Variants in PITRM1 observed in about 807,000 individuals in gnomAD.
PITRM1 encodes the protein pitrilysin metallopeptidase 1.
In PITRM1, 100 loss-of-function variants were observed where a neutral mutation model predicts 129.9. That is an observed-to-expected ratio of 0.77 (90% CI 0.65 to 0.91). PITRM1 has a LOEUF of 0.91. PITRM1 is among the 40% of genes least tolerant of loss of function. PITRM1 has a pLI of 0.00. For missense variants in PITRM1, 1,471 were observed against 1,318.3 expected (o/e 1.12, Z -1.79); for synonymous variants, 591 against 508.8 (o/e 1.16, Z -2.17).
chr10:3,165,586 A>T lies in PITRM1; in HGVS notation c.419-59T>A. ...TAACAGATTTCTACTAAAATTATTG[A>T]CTCTCAAGACTCATTCCCCCTTTGT... On this transcript the variant is annotated intron_variant, in intron 4 of 26. Coordinates refer to ENST00000224949, the MANE Select transcript of PITRM1 (RefSeq NM_014889.4). 3 of 980,790 alleles carry T rather than the reference A, an allele frequency of 3.1e-6. No individual in the cohort carries two copies. In the Admixed American group the frequency reaches 6.0e-5, roughly 20 times the overall value. The allele number at this position is 980,790 out of a possible 1,614,324, so 60.8% of individuals were successfully genotyped here. A position where few individuals can be genotyped will look rare whatever the true frequency, so the allele number is the denominator to read the frequency against.
chr10:3,156,792 C>A, intron 13 of PITRM1, 138 bp downstream of exon 13: 3 of 564,242 alleles, frequency 5.3e-6, no homozygotes, highest in South Asian at 3.3e-5. Context: ...TTAATGTAAG[C>A]ATTTAAATTT....
intron 21 of PITRM1, 124 bp downstream of exon 21, chr10:3,145,472 G>C (rs905459082): frequency 5.2e-6 from 4 of 765,212 alleles, no homozygotes; most frequent in Middle Eastern, 3.8e-4. Flanking sequence ...CTTCATCTGC[G>C]TACGGGGGAT....
chr10:3,158,780 C>G, intron 10 of PITRM1, 134 bp downstream of exon 10: 1 of 807,646 alleles, frequency 1.2e-6, no homozygotes, highest in East Asian at 2.6e-5. Context: ...CGCCATCTTC[C>G]GATTATAGCA....
At chr10:3,160,101 G>A (rs1190250064) in intron 8 of PITRM1, 103 bp downstream of exon 8, 1 of 1,353,558 alleles carries the variant, frequency 7.4e-7, no homozygotes, top group Non-Finnish European at 1.0e-6. Context: ...CCCATACTCT[G>A]TACCAAACAT....
intron 16 of PITRM1, 41 bp downstream of exon 16, chr10:3,149,580 A>C: frequency 6.6e-7 from 1 of 1,508,566 alleles, no homozygotes; most frequent in Non-Finnish European, 8.8e-7. Flanking sequence ...CACACAAAGC[A>C]GACATTAATA....
At chr10:3,166,872 A>G in intron 3 of PITRM1, 64 bp downstream of exon 3, 1 of 998,912 alleles carries the variant, frequency 1.0e-6, no homozygotes, top group South Asian at 1.5e-5. Context: ...GGAAGCCAAA[A>G]GAATGGACAT....
At chr10:3,155,860 T>C (rs1841933361) in intron 13 of PITRM1, 131 bp from the exon 14 acceptor site, 5 of 1,008,310 alleles carry the variant, frequency 5.0e-6, no homozygotes, top group Non-Finnish European at 7.1e-6. Context: ...ATAGTAATAA[T>C]AGAACGCACC....
chr10:3,161,012 C>G (rs1842401326), intron 7 of PITRM1, among the ~76,000 whole-genome samples: 1 of 152,138 alleles, frequency 6.6e-6, no homozygotes, highest in Non-Finnish European at 1.5e-5. Context: ...CCACCCGTCT[C>G]AGCCTCCCAA....
Position 3,145,438 on chromosome 10 carries a change from C to T in PITRM1, c.2457+158G>A, listed in dbSNP as rs571448210. 1.5e-5 allele frequency: 10 copies of T among 654,664 alleles called. No homozygotes were observed. The South Asian group carries it at 1.9e-4, about 13-fold the overall frequency. 40.6% of individuals were successfully genotyped at this position (654,664 alleles called of 1,614,324 possible). On this transcript the variant is annotated intron_variant, in intron 21 of 26. Transcript: ENST00000224949. ...AACTGGCCCAACACTGCACAAGATA[C>T]TTAATCCTCCTGAACCTCAGTTTCT... is the stretch of plus-strand genomic sequence containing the variant.
Position 3,147,642 on chromosome 10 carries a change from G to C in PITRM1, c.2165C>G (p.Ala722Gly). The C allele has an allele frequency of 6.2e-7, 1 of 1,613,962 alleles. No homozygotes were observed. Among genetic ancestry groups the C allele is most frequent in the Non-Finnish European group, 8.5e-7 (1 of 1,179,852 alleles). The change falls in exon 19 of 27, where the codon GCA (alanine) becomes GGA (glycine). Residue 722 changes from alanine to glycine, a missense_variant. Transcript: ENST00000224949. Reference protein sequence around the residue: ...NGIPDSGHLYASIRAGRTLTP... With the variant: ...NGIPDSGHLYGSIRAGRTLTP... ...GAGGGTCCGGCCTGCCCTGATGGAT[G>C]CGTACAGGTGCCCAGAGTCAGGAAT... is the stretch of plus-strand genomic sequence containing the variant.
chr10:3,155,528 T>C, intron 14 of PITRM1, 63 bp downstream of exon 14: 1 of 1,595,898 alleles, frequency 6.3e-7, no homozygotes, highest in Non-Finnish European at 8.6e-7. Flanking sequence ...ACTAACTCAC[T>C]AACAAGTCCA....
At position 3,172,727 on chromosome 10, in the gene PITRM1, G is replaced by A. The variant is rs1426324125; in HGVS notation, c.46C>T (p.Leu16=). The A allele has an allele frequency of 6.5e-7, 1 of 1,542,428 alleles. No individual in the cohort carries two copies. Among genetic ancestry groups the A allele is most frequent in the Non-Finnish European group, 8.7e-7 (1 of 1,144,118 alleles). The change falls in exon 1 of 27, where the codon CTG becomes TTG. Residue 16 remains leucine (L), a synonymous_variant. Coordinates refer to ENST00000224949, the MANE Select transcript of PITRM1 (RefSeq NM_014889.4). ...GRQGLCVLRR[L]SGGHAHHRAW... is the part of the protein sequence containing the mutation. ...GTCGCAGCGTCTCACCCGCCGCTCA[G>A]CCGCCTCAGCACACACAGGCCCTGC...
chr10:3,140,701 G>A lies in PITRM1; in HGVS notation c.2757C>T (p.Thr919=), dbSNP rs1840099259. ...GCAAAACTCACCTGTAAGAGTAAAGGGTGAAAATCCCATTGTGGCTGAGTT... is the reference window on the plus strand; with the variant it reads ...GCAAAACTCACCTGTAAGAGTAAAGAGTGAAAATCCCATTGTGGCTGAGTT... ...GAKLSHNGIF[T]LYSYRDPNTI... The change falls in exon 24 of 27, where the codon ACC becomes ACT. Residue 919 remains threonine (T), a synonymous_variant. Transcript: ENST00000224949. 6 of 1,600,102 alleles carry A rather than the reference G, an allele frequency of 3.7e-6. No homozygotes were observed. The highest frequency in any genetic ancestry group is 4.3e-6 in the Non-Finnish European group (5 of 1,172,928).
At chr10:3,151,439 T>G in intron 14 of PITRM1, 76 bp from the exon 15 acceptor site, 2 of 882,058 alleles carry the variant, frequency 2.3e-6, no homozygotes, top group Non-Finnish European at 3.7e-6. Context: ...CCTATGTTAT[T>G]ATCTTAACAT....
intron 7 of PITRM1, among the ~76,000 whole-genome samples, chr10:3,162,157 TTAAAA>T (rs1467933160): frequency 1.8e-4 from 24 of 131,904 alleles, no homozygotes; most frequent in Non-Finnish European, 1.6e-4. Context: ...GACCCTGTCT[TTAAAA>T]AAAAAAAAAA....
In PITRM1 at chr10:3,151,369, A is replaced by G. The variant is rs768555068; in HGVS notation, c.1622-6T>C. On this transcript the variant is annotated splice_polypyrimidine_tract_variant and splice_region_variant and intron_variant, in intron 14 of 26. Transcript: ENST00000224949. Reference sequence around the variant, plus strand: ...TTGACTCCGTAATTCTAGACCTAAAAAAGAAACAAGAAAAAGGAATATTCA... The same window carrying G: ...TTGACTCCGTAATTCTAGACCTAAAGAAGAAACAAGAAAAAGGAATATTCA... 4.5e-6 allele frequency: 5 copies of G among 1,116,764 alleles called. No homozygotes were observed. The African/African-American group carries it at 6.6e-5, about 15-fold the overall frequency. 69.2% of individuals were successfully genotyped at this position (1,116,764 alleles called of 1,614,324 possible). A position where few individuals can be genotyped will look rare whatever the true frequency, so the allele number is the denominator to read the frequency against.
chr10:3,167,680 A>G (rs4074081), intron 2 of PITRM1, among the ~76,000 whole-genome samples: 105,747 of 152,002 alleles, frequency 0.7, 36,856 homozygotes, highest in East Asian at 0.74. Context: ...GTAACACAGC[A>G]CCCCTTCCAA....
chr10:3,170,976 A>G (rs1843283660), intron 1 of PITRM1, among the ~76,000 whole-genome samples: 1 of 151,866 alleles, frequency 6.6e-6, no homozygotes. Context: ...AAAGAAAAAA[A>G]TGCTGAAGAT....
chr10:3,172,175 C>T (rs568382287), intron 1 of PITRM1: 1 of 456,446 alleles, frequency 2.2e-6, no homozygotes, highest in East Asian at 7.0e-5. Flanking sequence ...CAGCGCTGAA[C>T]TATTACCTTA....
Sources: allele counts gnomAD v4.1 joint callset (sites outside exome capture counted in the v4.1 genomes callset), GRCh38; gene constraint gnomAD v4.1.1; transcripts MANE v1.5; gene names NCBI Gene and HGNC (gene_info 2026-07-23, HGNC 2026-07-21).